The following NFIB variants were observed in gnomAD, a reference collection of about 807,000 sequenced individuals.
NFIB encodes nuclear factor 1 B-type.
In NFIB, 11 loss-of-function variants were observed where a neutral mutation model predicts 61.5. The ratio of observed to expected loss-of-function variants is 0.18; its 90% CI spans 0.11 to 0.30. The LOEUF is 0.30. NFIB is among the 10% of genes least tolerant of loss of function. NFIB has a pLI of 1.00. For synonymous variants in NFIB, 260 were observed against 216.5 expected (o/e 1.20, Z -1.76); for missense variants, 471 against 608.9 (o/e 0.77, Z 2.38).
At chr9:14,233,784 G>A (rs577978149) in intron 2 of NFIB, among the ~76,000 whole-genome samples, 1 of 152,240 alleles carries the variant, frequency 6.6e-6, no homozygotes, top group Non-Finnish European at 1.5e-5. Flanking sequence ...ATTGAAAGGT[G>A]AGCATATGTA....
the NFIB span, among the ~76,000 whole-genome samples, chr9:14,525,115 A>T: frequency 6.6e-6 from 1 of 152,194 alleles, no homozygotes; most frequent in African/African-American, 2.4e-5. Context: ...ACTACCTCCA[A>T]TCCCAGAGCT....
intron 2 of NFIB, among the ~76,000 whole-genome samples, chr9:14,270,186 CA>C (rs1441456007): frequency 6.6e-6 from 1 of 152,094 alleles, no homozygotes; most frequent in African/African-American, 2.4e-5. Flanking sequence ...TAAGGGAAAA[CA>C]AAACTTTGTC....
chr9:14,373,469 C>G (rs1588386976), intron 1 of NFIB, among the ~76,000 whole-genome samples: 1 of 151,988 alleles, frequency 6.6e-6, no homozygotes, highest in Admixed American at 6.6e-5. Flanking sequence ...CTTAAGGATT[C>G]TTTTCTCTAA....
intron 3 of NFIB, among the ~76,000 whole-genome samples, chr9:14,164,904 A>G (rs1441599209): frequency 6.6e-6 from 1 of 152,158 alleles, no homozygotes; most frequent in African/African-American, 2.4e-5. Context: ...CAAGTGATTC[A>G]AATGTACAGC....
intron 2 of NFIB, among the ~76,000 whole-genome samples, chr9:14,244,618 C>A (rs563905643): frequency 1.1e-4 from 16 of 152,248 alleles, no homozygotes; most frequent in African/African-American, 3.6e-4. Context: ...AGTTCACAAA[C>A]CATGCCCAGT....
chr9:14,314,050 G>T lies in NFIB; in HGVS notation c.-539C>A. On this transcript the variant is annotated 5_prime_UTR_variant, in exon 1 of 11. The change creates a premature stop within an existing upstream ORF in the 5' untranslated region. Transcript: ENST00000380953. ...GGAAAGTTCAAGGTTACAGCCCCAA[G>T]CACTGCGGCAGGATCCCGGAGTGGT... 3 of 1,066,274 alleles carry T rather than the reference G, an allele frequency of 2.8e-6. No individual in the cohort carries two copies. The highest frequency in any genetic ancestry group is 3.4e-6 in the Non-Finnish European group (3 of 880,378). The allele number at this position is 1,066,274 out of a possible 1,614,324, so 66.1% of individuals were successfully genotyped here. A position where few individuals can be genotyped will look rare whatever the true frequency, so the allele number is the denominator to read the frequency against.
chr9:14,369,044 T>C (rs145231847), intron 1 of NFIB, among the ~76,000 whole-genome samples: 4 of 152,314 alleles, frequency 2.6e-5, no homozygotes, highest in African/African-American at 9.6e-5. Context: ...TAATATCTCA[T>C]TGCAATCTAG....
chr9:14,384,950 C>T (rs555381715), intron 1 of NFIB, among the ~76,000 whole-genome samples: 156 of 152,264 alleles, frequency 1.0e-3, no homozygotes, highest in African/African-American at 3.0e-3. Flanking sequence ...TACAGTACTT[C>T]ACTCTCCAAA....
intron 1 of NFIB, among the ~76,000 whole-genome samples, chr9:14,311,971 A>T (rs886973675): frequency 1.3e-5 from 2 of 152,238 alleles, no homozygotes; most frequent in Non-Finnish European, 2.9e-5. Flanking sequence ...GTTATACCTG[A>T]AACAGTTTCA....
intron 2 of NFIB, among the ~76,000 whole-genome samples, chr9:14,274,673 T>C (rs1351247045): frequency 6.6e-6 from 1 of 152,198 alleles, no homozygotes; most frequent in Non-Finnish European, 1.5e-5. Flanking sequence ...CCAGCATTCC[T>C]GGGATCACAT....
chr9:14,171,926 C>T (rs960917214), intron 3 of NFIB, among the ~76,000 whole-genome samples: 1 of 151,968 alleles, frequency 6.6e-6, no homozygotes, highest in East Asian at 1.9e-4. Context: ...GAATTAAAGA[C>T]AAAAATCTGA....
intron 2 of NFIB, among the ~76,000 whole-genome samples, chr9:14,211,668 G>A (rs968531455): frequency 1.2e-4 from 18 of 152,218 alleles, no homozygotes; most frequent in East Asian, 3.9e-4. Context: ...AAGTTTACCC[G>A]TTTATATCAG....
intron 2 of NFIB, among the ~76,000 whole-genome samples, chr9:14,199,286 C>T (rs906730622): frequency 1.3e-5 from 2 of 152,172 alleles, no homozygotes; most frequent in African/African-American, 2.4e-5. Flanking sequence ...GACAGGAAGC[C>T]GGGAGCTGGC....
chr9:14,209,271 CG>C (rs1674522407), intron 2 of NFIB, among the ~76,000 whole-genome samples: 1 of 152,136 alleles, frequency 6.6e-6, no homozygotes, highest in African/African-American at 2.4e-5. Context: ...TTAAAGTTCA[CG>C]TAATTGCACT....
chr9:14,486,717 A>G, the NFIB span, among the ~76,000 whole-genome samples: 1 of 152,158 alleles, frequency 6.6e-6, no homozygotes, highest in Non-Finnish European at 1.5e-5. Context: ...ACACACACAT[A>G]CACACACAGA....
At chr9:14,462,432 G>A in the NFIB span, among the ~76,000 whole-genome samples, 10 of 151,852 alleles carry the variant, frequency 6.6e-5, no homozygotes, top group Admixed American at 1.3e-4. Context: ...ACAGGCACCC[G>A]CCACCACGCC....
intron 1 of NFIB, among the ~76,000 whole-genome samples, chr9:14,329,951 G>A (rs957502022): frequency 2.6e-5 from 4 of 151,862 alleles, no homozygotes; most frequent in Admixed American, 6.5e-5. Context: ...GTGAAACCCC[G>A]TCTCTACTAA....
upstream of NFIB, among the ~76,000 whole-genome samples, chr9:14,399,324 G>A (rs1180625360): frequency 6.6e-6 from 1 of 152,132 alleles, no homozygotes; most frequent in African/African-American, 2.4e-5. Flanking sequence ...GATGTTATAG[G>A]CCAAGACAAG....
At chr9:14,217,631 G>C (rs1347418128) in intron 2 of NFIB, among the ~76,000 whole-genome samples, 1 of 118,090 alleles carries the variant, frequency 8.5e-6, no homozygotes, top group Non-Finnish European at 1.7e-5. Context: ...TTGCATGCCA[G>C]CCTGGGCAAC....
Sources: gnomAD v4.1 joint callset for allele counts (sites outside exome capture counted in the v4.1 genomes callset) on GRCh38, gnomAD v4.1.1 for gene constraint, MANE v1.5 for transcripts, NCBI Gene and HGNC (gene_info 2026-07-23, HGNC 2026-07-21) for gene names.